Variants in NCAM2 observed in about 807,000 individuals in gnomAD.
NCAM2 encodes the protein N-CAM-2.
In NCAM2, 30 loss-of-function variants were observed where a neutral mutation model predicts 98.1. The observed-to-expected ratio is 0.31, with a 90% CI of 0.23 to 0.41. The LOEUF is 0.41. Among genes scored for constraint, NCAM2 ranks in the 10% least tolerant of loss-of-function variants. The probability of loss-of-function intolerance (pLI) is 1.00; values close to 1 mark genes in which losing one functional copy is unlikely to be tolerated. For missense variants in NCAM2, 867 were observed against 1,005.8 expected (o/e 0.86, Z 1.87); for synonymous variants, 368 against 342.4 (o/e 1.07, Z -0.83).
At chr21:21,165,806 C>G (rs1177437916) in intron 1 of NCAM2, among the ~76,000 whole-genome samples, 1 of 152,094 alleles carries the variant, frequency 6.6e-6, no homozygotes, top group South Asian at 2.1e-4. Flanking sequence ...AATGAATTGG[C>G]CCTTGTACAT....
intron 1 of NCAM2, among the ~76,000 whole-genome samples, chr21:21,153,556 T>C (rs1315752851): frequency 6.6e-6 from 1 of 151,978 alleles, no homozygotes; most frequent in Admixed American, 6.6e-5. Flanking sequence ...AAATCCATTT[T>C]AAGTAGTGGA....
intron 5 of NCAM2, among the ~76,000 whole-genome samples, chr21:21,302,684 C>A (rs2073756748): frequency 6.6e-6 from 1 of 152,070 alleles, no homozygotes; most frequent in African/African-American, 2.4e-5. Flanking sequence ...CTGTGGAAAG[C>A]AGTTTGGAGA....
At chr21:21,444,053 A>G (rs981972245) in intron 12 of NCAM2, among the ~76,000 whole-genome samples, 4 of 151,956 alleles carry the variant, frequency 2.6e-5, no homozygotes, top group African/African-American at 9.7e-5. Flanking sequence ...ACATGAAGGG[A>G]TGTTGAATTT....
chr21:21,113,089 A>C (rs115206145), intron 1 of NCAM2, among the ~76,000 whole-genome samples: 2,253 of 151,598 alleles, frequency 0.015, 62 homozygotes, highest in African/African-American at 0.052. Context: ...GTGGTTCTCA[A>C]AGTGACAATA....
intron 1 of NCAM2, among the ~76,000 whole-genome samples, chr21:21,053,958 A>G (rs1174731628): frequency 6.7e-6 from 1 of 149,364 alleles, no homozygotes; most frequent in African/African-American, 2.5e-5. Flanking sequence ...TTTTTTTTCA[A>G]CTCTACATCT....
intron 1 of NCAM2, among the ~76,000 whole-genome samples, chr21:21,018,292 G>C (rs1363391954): frequency 1.3e-5 from 2 of 152,180 alleles, no homozygotes; most frequent in Non-Finnish European, 2.9e-5. Flanking sequence ...CATAGTCAGT[G>C]AATATAGATA....
chr21:21,282,736 G>A (rs9982516), intron 2 of NCAM2, among the ~76,000 whole-genome samples: 125,734 of 151,640 alleles, frequency 0.83, 52,389 homozygotes, highest in East Asian at 0.99. Context: ...CTACATTTAA[G>A]AAAATAAAGT....
chr21:21,187,440 T>TCAA (rs201062405), intron 1 of NCAM2, among the ~76,000 whole-genome samples: 158 of 151,234 alleles, frequency 1.0e-3, no homozygotes, highest in Middle Eastern at 6.8e-3. Flanking sequence ...TACTTCTCCA[T>TCAA]CAACAACAAC....
chr21:21,293,214 A>G (rs2073357325), intron 5 of NCAM2, among the ~76,000 whole-genome samples: 1 of 151,800 alleles, frequency 6.6e-6, no homozygotes, highest in East Asian at 1.9e-4. Flanking sequence ...AGACATATCC[A>G]TTGTATATTT....
chr21:21,251,812 T>G (rs2071485190), intron 1 of NCAM2, among the ~76,000 whole-genome samples: 1 of 151,616 alleles, frequency 6.6e-6, no homozygotes, highest in East Asian at 2.0e-4. Flanking sequence ...CTTTGTCAGA[T>G]GAGTAGATTG....
At chr21:21,050,292 A>G (rs2065081841) in intron 1 of NCAM2, among the ~76,000 whole-genome samples, 1 of 152,208 alleles carries the variant, frequency 6.6e-6, no homozygotes, top group South Asian at 2.1e-4. Context: ...TTTAGAACCC[A>G]TGTAGTTCAA....
chr21:21,515,857 A>C (rs1423049556), intron 16 of NCAM2, among the ~76,000 whole-genome samples: 1 of 152,170 alleles, frequency 6.6e-6, no homozygotes, highest in Non-Finnish European at 1.5e-5. Flanking sequence ...AAATTTTATC[A>C]TTTATAACTG....
At chr21:21,306,531 T>A (rs2073884801) in intron 5 of NCAM2, among the ~76,000 whole-genome samples, 1 of 152,148 alleles carries the variant, frequency 6.6e-6, no homozygotes, top group Non-Finnish European at 1.5e-5. Context: ...GTATCTTTTT[T>A]CCTTTCTTTT....
At chr21:21,366,763 C>G (rs1313415437) in intron 8 of NCAM2, among the ~76,000 whole-genome samples, 1 of 152,028 alleles carries the variant, frequency 6.6e-6, no homozygotes, top group African/African-American at 2.4e-5. Context: ...CATCAAATCC[C>G]ATGTATATGT....
chr21:21,199,224 A>G (rs2069120935), intron 1 of NCAM2, among the ~76,000 whole-genome samples: 1 of 152,170 alleles, frequency 6.6e-6, no homozygotes, highest in Admixed American at 6.5e-5. Context: ...TTTCATTGCA[A>G]AATGTTTCCA....
intron 1 of NCAM2, among the ~76,000 whole-genome samples, chr21:21,068,244 T>C (rs778680672): frequency 7.3e-5 from 11 of 149,854 alleles, no homozygotes; most frequent in Non-Finnish European, 1.5e-4. Flanking sequence ...GAGGTTCTCC[T>C]GCCTCATCCT....
intron 8 of NCAM2, among the ~76,000 whole-genome samples, chr21:21,368,008 C>T (rs1730475190): frequency 6.6e-6 from 1 of 151,806 alleles, no homozygotes; most frequent in African/African-American, 2.4e-5. Flanking sequence ...TCTCTAGTCT[C>T]ATGTTTTAAA....
chr21:21,276,039 T>C (rs2072716332), intron 1 of NCAM2, among the ~76,000 whole-genome samples: 1 of 152,128 alleles, frequency 6.6e-6, no homozygotes. Flanking sequence ...ACTTCAGCCT[T>C]ACCCAATGTG....
chr21:21,533,416 A>G (rs1480972090), intron 16 of NCAM2, among the ~76,000 whole-genome samples: 1 of 151,540 alleles, frequency 6.6e-6, no homozygotes, highest in Non-Finnish European at 1.5e-5. Context: ...GCCTTAGTAA[A>G]TATATTTAAA....
Sources: gnomAD v4.1 joint callset for allele counts (sites outside exome capture counted in the v4.1 genomes callset) on GRCh38, gnomAD v4.1.1 for gene constraint, MANE v1.5 for transcripts, NCBI Gene and HGNC (gene_info 2026-07-23, HGNC 2026-07-21) for gene names.